The following SLC38A6 variants were observed in gnomAD, a reference collection of about 807,000 sequenced individuals.
The protein encoded by SLC38A6 is solute carrier family 38 member 6.
SLC38A6 carries 73 observed loss-of-function variants against 65.0 expected under a neutral mutation model. The observed-to-expected ratio is 1.12, with a 90% CI of 0.93 to 1.37. The LOEUF is 1.37. SLC38A6 is among the 40% of genes most tolerant of loss of function. The pLI, the probability that SLC38A6 is intolerant of heterozygous loss-of-function variation, is 0.00. For synonymous variants in SLC38A6, 183 were observed against 178.8 expected, an observed-to-expected ratio of 1.02 and a Z score of -0.19; for missense variants, 561 against 531.1, an observed-to-expected ratio of 1.06 and a Z score of -0.55.
intron 3 of SLC38A6, among the ~76,000 whole-genome samples, chr14:60,986,263 A>G (rs574684856): frequency 6.6e-6 from 1 of 152,232 alleles, no homozygotes; most frequent in Non-Finnish European, 1.5e-5. Flanking sequence ...CTTTTTATAC[A>G]CAGAGAGCTC....
intron 5 of SLC38A6, among the ~76,000 whole-genome samples, chr14:61,029,006 TA>T (rs2040778155): frequency 1.3e-5 from 2 of 152,184 alleles, no homozygotes; most frequent in Non-Finnish European, 2.9e-5. Flanking sequence ...TTGAGCCTTT[TA>T]ATCAATTTTT....
rs762053101 is a variant in SLC38A6 at position 60,984,792 on chromosome 14, G to A, written c.299G>A (p.Cys100Tyr). The change falls in exon 3 of 16, where the codon TGT becomes TAT. Residue 100 changes from cysteine (C) to tyrosine (Y), a missense_variant. Cys to Tyr is a radical substitution (Grantham distance 194, BLOSUM62 -2). Transcript: ENST00000267488. ...SYSVHLLLSM[C>Y]IQTAVTSYED... The stretch of plus-strand genomic sequence containing the variant: ...TCAGTCCATCTTCTGCTTAGTATGT[G>A]TATTCAGACAGGTGAGTAAAAATGT... 18 of 1,613,634 alleles carry A rather than the reference G, an allele frequency of 1.1e-5. No homozygotes were observed. Among genetic ancestry groups the A allele is most frequent in the Non-Finnish European group, 1.5e-5 (18 of 1,179,708 alleles).
Position 61,052,320 on chromosome 14 carries a change from A to T in SLC38A6, c.1291-29A>T, listed in dbSNP as rs748144274. On this transcript the variant is annotated intron_variant, in intron 15 of 15. Transcript: ENST00000267488. The stretch of plus-strand genomic sequence containing the variant: ...TTATCTTTTTTCTTTTATCTTTCTT[A>T]TCTTTTATCTTTTTTCTTATTTCCA... 5 of 1,518,746 alleles carry T rather than the reference A, an allele frequency of 3.3e-6. No individual in the cohort carries two copies. In the South Asian group the frequency reaches 6.4e-5, roughly 20 times the overall value. The allele number at this position is 1,518,746 out of a possible 1,614,324, so 94.1% of individuals were successfully genotyped here.
chr14:61,075,775 G>A, intron 15 of SLC38A6, among the ~76,000 whole-genome samples: 1 of 120,270 alleles, frequency 8.3e-6, no homozygotes, highest in East Asian at 2.5e-4. Flanking sequence ...AGATCAACCT[G>A]TTTGTGTGTG....
At chr14:61,039,830 C>G (rs947172888) in intron 8 of SLC38A6, among the ~76,000 whole-genome samples, 2 of 151,720 alleles carry the variant, frequency 1.3e-5, no homozygotes, top group African/African-American at 4.8e-5. Context: ...GCATTTATAT[C>G]ATATTTTTTA....
chr14:61,077,712 A>G (rs1323345761), intron 15 of SLC38A6, among the ~76,000 whole-genome samples: 1 of 152,122 alleles, frequency 6.6e-6, no homozygotes, highest in Non-Finnish European at 1.5e-5. Flanking sequence ...TCATGAGACT[A>G]CATAAATAGA....
intron 5 of SLC38A6, among the ~76,000 whole-genome samples, chr14:61,028,922 A>G (rs2040772058): frequency 6.6e-6 from 1 of 152,158 alleles, no homozygotes; most frequent in African/African-American, 2.4e-5. Flanking sequence ...AAATGGTCAC[A>G]TAGCATTGTA....
intron 3 of SLC38A6, among the ~76,000 whole-genome samples, chr14:60,991,439 T>G (rs1164666239): frequency 3.3e-5 from 5 of 152,188 alleles, no homozygotes; most frequent in Admixed American, 2.6e-4. Context: ...TTTTTTGAAA[T>G]GAGGTAACTG....
chr14:61,024,075 A>T (rs2040486768), intron 5 of SLC38A6, among the ~76,000 whole-genome samples: 2 of 152,188 alleles, frequency 1.3e-5, no homozygotes, highest in African/African-American at 4.8e-5. Context: ...GTGAGCATAT[A>T]GTTTTTAGGA....
Position 61,023,494 on chromosome 14 carries a change from A to G in SLC38A6, c.403+3914A>G, listed in dbSNP as rs116692251. ...TGGCTGAGGCAGGAAAATCGTTTAA[A>G]CCCGGTAGACGGAGGTTGCAGTAAG... On this transcript the variant is annotated intron_variant, in intron 5 of 15. Coordinates refer to ENST00000267488, the MANE Select transcript of SLC38A6 (RefSeq NM_153811.3). 5.1e-3 allele frequency among the ~76,000 whole-genome samples: 768 copies of G among 151,228 alleles called. 12 individuals are homozygous for G. The highest frequency in any genetic ancestry group is 0.017 in the African/African-American group (719 of 41,264).
intron 7 of SLC38A6, 25 bp downstream of exon 7, chr14:61,037,166 T>G (rs760774010): frequency 6.6e-7 from 1 of 1,509,566 alleles, no homozygotes; most frequent in Non-Finnish European, 8.9e-7. Context: ...AGCACATTAT[T>G]TGTTTAGAAA....
At chr14:61,042,279 A>T (rs2041860762) in intron 8 of SLC38A6, among the ~76,000 whole-genome samples, 1 of 152,240 alleles carries the variant, frequency 6.6e-6, no homozygotes, top group Non-Finnish European at 1.5e-5. Flanking sequence ...CTAGGTAAAT[A>T]CCAAGTAGGA....
intron 12 of SLC38A6, among the ~76,000 whole-genome samples, chr14:61,050,227 A>C (rs1396563228): frequency 6.6e-6 from 1 of 152,188 alleles, no homozygotes; most frequent in East Asian, 1.9e-4. Flanking sequence ...CAAATGTTCA[A>C]ACCCTTAGAT....
At chr14:61,014,311 T>G (rs1475163327) in intron 3 of SLC38A6, among the ~76,000 whole-genome samples, 1 of 152,170 alleles carries the variant, frequency 6.6e-6, no homozygotes, top group East Asian at 1.9e-4. Context: ...GTTTTTAACT[T>G]CTTTGCCATG....
chr14:61,078,641 T>G (rs2043515734), intron 15 of SLC38A6, among the ~76,000 whole-genome samples: 1 of 152,122 alleles, frequency 6.6e-6, no homozygotes, highest in Non-Finnish European at 1.5e-5. Context: ...TGATTTGTTC[T>G]TAAGTCTCAG....
At chr14:61,062,152 A>T (rs2042869252) in intron 15 of SLC38A6, among the ~76,000 whole-genome samples, 1 of 152,152 alleles carries the variant, frequency 6.6e-6, no homozygotes, top group African/African-American at 2.4e-5. Flanking sequence ...TTTTATGTAG[A>T]CATAATTTGC....
intron 3 of SLC38A6, among the ~76,000 whole-genome samples, chr14:60,999,327 T>C (rs1236333400): frequency 6.6e-6 from 1 of 152,224 alleles, no homozygotes. Flanking sequence ...GTTACAATTA[T>C]TTTATGAAGA....
intron 3 of SLC38A6, among the ~76,000 whole-genome samples, chr14:60,998,078 A>C (rs1222511928): frequency 6.6e-6 from 1 of 151,300 alleles, no homozygotes; most frequent in Non-Finnish European, 1.5e-5. Context: ...TAGTATGATA[A>C]ATTTAACAGT....
At chr14:61,036,958 C>CTTTGTG (rs1370806635) in intron 6 of SLC38A6, 101 bp from the exon 7 acceptor site, 1 of 377,878 alleles carries the variant, frequency 2.6e-6, no homozygotes. Context: ...ATGGTTATAA[C>CTTTGTG]TCTGTGTGTG....
Sources: gnomAD v4.1 joint callset for allele counts (sites outside exome capture counted in the v4.1 genomes callset) on GRCh38, gnomAD v4.1.1 for gene constraint, MANE v1.5 for transcripts, NCBI Gene and HGNC (gene_info 2026-07-23, HGNC 2026-07-21) for gene names.